Variants in PTK2 observed in about 807,000 individuals in gnomAD.
The protein encoded by PTK2 is protein tyrosine kinase 2, also known as focal adhesion kinase 1.
PTK2 carries 45 observed loss-of-function variants against 150.1 expected under a neutral mutation model. The observed-to-expected ratio is 0.30, with a 90% CI of 0.24 to 0.38. The LOEUF is 0.38. Among genes scored for constraint, PTK2 ranks in the 10% least tolerant of loss-of-function variants. PTK2 has a pLI of 1.00. For missense variants in PTK2, 919 were observed against 1,307.3 expected (o/e 0.70, Z 4.58); for synonymous variants, 432 against 449.2 (o/e 0.96, Z 0.48).
At chr8:140,713,098 A>G (rs969124135) in intron 23 of PTK2, among the ~76,000 whole-genome samples, 2 of 152,194 alleles carry the variant, frequency 1.3e-5, no homozygotes, top group African/African-American at 2.4e-5. Flanking sequence ...TTCACATCAG[A>G]TATTTTTCAC....
intron 27 of PTK2, among the ~76,000 whole-genome samples, chr8:140,682,184 C>T (rs1025540973): frequency 3.3e-5 from 5 of 152,134 alleles, no homozygotes; most frequent in African/African-American, 1.2e-4. Context: ...GAGTTTGAGA[C>T]CAGCCTGGCC....
chr8:140,691,765 A>T (rs900264939), intron 26 of PTK2, among the ~76,000 whole-genome samples: 2 of 152,246 alleles, frequency 1.3e-5, no homozygotes, highest in African/African-American at 4.8e-5. Flanking sequence ...AGTCATTATC[A>T]GAATGAAAGA....
chr8:140,981,727 C>T (rs2100191507), intron 1 of PTK2, among the ~76,000 whole-genome samples: 1 of 152,146 alleles, frequency 6.6e-6, no homozygotes, highest in Non-Finnish European at 1.5e-5. Flanking sequence ...TACATACAGC[C>T]CATGGATGCT....
chr8:140,736,043 C>T (rs986472468), intron 21 of PTK2, among the ~76,000 whole-genome samples: 12 of 152,202 alleles, frequency 7.9e-5, no homozygotes, highest in African/African-American at 2.9e-4. Context: ...TCTATAAATG[C>T]CACAGTGTGA....
At chr8:140,913,725 T>C (rs947940901) in intron 2 of PTK2, among the ~76,000 whole-genome samples, 4 of 152,242 alleles carry the variant, frequency 2.6e-5, no homozygotes, top group Non-Finnish European at 5.9e-5. Context: ...GGATATACAA[T>C]GTTCATTACT....
chr8:140,766,309 G>A (rs1392888861), intron 14 of PTK2, among the ~76,000 whole-genome samples: 2 of 152,282 alleles, frequency 1.3e-5, no homozygotes, highest in Middle Eastern at 3.4e-3. Flanking sequence ...AGGGCATAAA[G>A]CTGCTGCTAA....
At chr8:140,891,586 G>A (rs1489759015) in intron 2 of PTK2, among the ~76,000 whole-genome samples, 3 of 152,174 alleles carry the variant, frequency 2.0e-5, no homozygotes, top group Non-Finnish European at 4.4e-5. Context: ...GAGCCCTTCA[G>A]AGCCTGAAGA....
rs2100034950 is a variant in PTK2, at chr8:140,708,368, T to C, written c.2143-2163A>G. 3.9e-5 allele frequency among the ~76,000 whole-genome samples: 6 copies of C among 152,316 alleles called. No homozygotes were observed. In the South Asian group the frequency reaches 1.2e-3, roughly 32 times the overall value. On this transcript the variant is annotated intron_variant, in intron 23 of 31. Transcript: ENST00000522684. ...CCTCCTTCCATCTGTAGTATACTTC[T>C]GATCCTTTCAGTCTTTTAGATGTTA... is the stretch of plus-strand genomic sequence containing the variant.
chr8:140,807,623 T>C (rs990257711), intron 10 of PTK2, among the ~76,000 whole-genome samples: 1 of 152,226 alleles, frequency 6.6e-6, no homozygotes, highest in Non-Finnish European at 1.5e-5. Flanking sequence ...GGCTGAGATA[T>C]GCTGGTAGGG....
chr8:140,904,197 G>A (rs540752634), intron 2 of PTK2, among the ~76,000 whole-genome samples: 2 of 152,254 alleles, frequency 1.3e-5, no homozygotes, highest in East Asian at 1.9e-4. Flanking sequence ...TTTATTGAGA[G>A]TTTTTAACAT....
At chr8:140,715,423 C>A (rs371300317) in intron 23 of PTK2, among the ~76,000 whole-genome samples, 8 of 152,050 alleles carry the variant, frequency 5.3e-5, no homozygotes, top group Non-Finnish European at 1.2e-4. Flanking sequence ...CTGCTCGCCT[C>A]GGCCTCCCAA....
At chr8:140,961,578 C>T (rs913203535) in intron 1 of PTK2, among the ~76,000 whole-genome samples, 10 of 151,728 alleles carry the variant, frequency 6.6e-5, no homozygotes. Context: ...AGGAGAATGG[C>T]GTGAACCTGG....
intron 1 of PTK2, among the ~76,000 whole-genome samples, chr8:140,971,596 T>C (rs2100187304): frequency 6.6e-6 from 1 of 152,238 alleles, no homozygotes; most frequent in South Asian, 2.1e-4. Context: ...TGATGTTTCT[T>C]AATGGATTCA....
At chr8:140,938,799 ATCC>A (rs763947453) in intron 1 of PTK2, among the ~76,000 whole-genome samples, 7 of 152,240 alleles carry the variant, frequency 4.6e-5, no homozygotes, top group Admixed American at 2.0e-4. Flanking sequence ...AAGCTTTGTT[ATCC>A]TCTTCTTCTC....
chr8:140,757,577 C>G (rs2100066594), intron 16 of PTK2, among the ~76,000 whole-genome samples: 1 of 152,046 alleles, frequency 6.6e-6, no homozygotes. Context: ...CTCAGAGCAT[C>G]ACTAGTACAC....
chr8:140,740,537 G>A (rs2100055075), intron 20 of PTK2, among the ~76,000 whole-genome samples: 1 of 152,142 alleles, frequency 6.6e-6, no homozygotes, highest in Non-Finnish European at 1.5e-5. Context: ...CTAACCTTTT[G>A]GAGTTTGTAC....
At chr8:140,813,060 C>T (rs893396784) in intron 10 of PTK2, among the ~76,000 whole-genome samples, 2 of 152,112 alleles carry the variant, frequency 1.3e-5, no homozygotes, top group African/African-American at 2.4e-5. Context: ...ACTCTCCACC[C>T]CAAAGCAACA....
chr8:140,700,024 C>T (rs1049459874), intron 26 of PTK2, among the ~76,000 whole-genome samples: 2 of 152,162 alleles, frequency 1.3e-5, no homozygotes, highest in Admixed American at 1.3e-4. Context: ...GATGAAGCAT[C>T]TTATAATCTT....
chr8:140,999,271 G>C (rs2100199063), intron 1 of PTK2, among the ~76,000 whole-genome samples: 1 of 152,236 alleles, frequency 6.6e-6, no homozygotes, highest in African/African-American at 2.4e-5. Context: ...TTAGGTGATT[G>C]TCGGCTCCCT....
Sources: allele counts gnomAD v4.1 joint callset (sites outside exome capture counted in the v4.1 genomes callset), GRCh38; gene constraint gnomAD v4.1.1; transcripts MANE v1.5; gene names NCBI Gene and HGNC (gene_info 2026-07-23, HGNC 2026-07-21).